The following DPP10 variants were observed in gnomAD, a reference collection of about 807,000 sequenced individuals.
DPP10 encodes inactive dipeptidyl peptidase 10.
DPP10 carries 33 observed loss-of-function variants against 120.9 expected under a neutral mutation model. The observed-to-expected ratio is 0.27, with a 90% CI of 0.21 to 0.37. The LOEUF is 0.37. Among genes scored for constraint, DPP10 ranks in the 10% least tolerant of loss-of-function variants. The pLI, the probability that DPP10 is intolerant of heterozygous loss-of-function variation, is 1.00. For synonymous variants in DPP10, 337 were observed against 326.1 expected, an observed-to-expected ratio of 1.03 and a Z score of -0.36; for missense variants, 816 against 942.8, an observed-to-expected ratio of 0.87 and a Z score of 1.76.
At chr2:114,673,066 A>T (rs893244489) in intron 1 of DPP10, among the ~76,000 whole-genome samples, 62 of 152,210 alleles carry the variant, frequency 4.1e-4, no homozygotes, top group African/African-American at 1.3e-3. Context: ...TGAGTATTGT[A>T]TCTAGTGGAT....
intron 1 of DPP10, among the ~76,000 whole-genome samples, chr2:114,504,202 C>A (rs1683435897): frequency 6.6e-6 from 1 of 152,132 alleles, no homozygotes; most frequent in Non-Finnish European, 1.5e-5. Flanking sequence ...CAGGATTCTT[C>A]AATAGCCTTC....
intron 1 of DPP10, among the ~76,000 whole-genome samples, chr2:114,476,398 G>A (rs1280445955): frequency 2.6e-5 from 4 of 152,094 alleles, no homozygotes; most frequent in Admixed American, 6.6e-5. Context: ...AAAGTAGTTG[G>A]CAAAACTACC....
intron 1 of DPP10, among the ~76,000 whole-genome samples, chr2:114,815,876 TTC>T (rs1158786405): frequency 8.3e-6 from 1 of 120,324 alleles, no homozygotes; most frequent in African/African-American, 3.2e-5. Context: ...CACTTAAATT[TTC>T]TTAGTTTTTT....
At chr2:115,042,433 T>C (rs951338283) in intron 1 of DPP10, among the ~76,000 whole-genome samples, 7 of 152,168 alleles carry the variant, frequency 4.6e-5, no homozygotes, top group Admixed American at 2.0e-4. Flanking sequence ...CTGCTGGCTA[T>C]TTTTTGTATT....
rs1400225761 is a variant in DPP10 at position 114,823,137 on chromosome 2, TG to T, written c.60+380302del. Reference sequence around the variant, plus strand: ...TTGCTAATAAAGACATACCCAAGACTGGGTAATTTATAAAGGAAAGATGTTT... The same window carrying T: ...TTGCTAATAAAGACATACCCAAGACTGGTAATTTATAAAGGAAAGATGTTT... On this transcript the variant is annotated intron_variant, in intron 1 of 25. Transcript: ENST00000410059. Among the ~76,000 whole-genome samples, 3 of 152,256 alleles carry T rather than the reference TG, an allele frequency of 2.0e-5. No individual in the cohort carries two copies. In the East Asian group the frequency reaches 5.8e-4, roughly 29 times the overall value.
At position 115,700,243 on chromosome 2, in the gene DPP10, G is replaced by A. The variant is rs533172544; in HGVS notation, c.576+10322G>A. On this transcript the variant is annotated intron_variant, in intron 7 of 25. Transcript: ENST00000410059. Reference sequence around the variant, plus strand: ...CAGCAGGCCCCTCCTCCAACTTTGGGGAACACATTTAACATGAGATTTGAG... The same window carrying A: ...CAGCAGGCCCCTCCTCCAACTTTGGAGAACACATTTAACATGAGATTTGAG... Among the ~76,000 whole-genome samples the A allele has an allele frequency of 1.1e-4, 17 of 152,092 alleles. 1 individual carries two copies. In the South Asian group the frequency reaches 3.5e-3, roughly 32 times the overall value.
intron 1 of DPP10, among the ~76,000 whole-genome samples, chr2:114,677,240 T>C (rs925446139): frequency 4.6e-5 from 7 of 152,140 alleles, no homozygotes; most frequent in African/African-American, 1.7e-4. Context: ...GCAAGGCTCT[T>C]AACTATTAAC....
chr2:115,683,715 G>T (rs963166477), intron 5 of DPP10, among the ~76,000 whole-genome samples: 2 of 151,770 alleles, frequency 1.3e-5, no homozygotes, highest in Non-Finnish European at 2.9e-5. Context: ...TTTTATATTC[G>T]TAATCTTCAT....
chr2:115,367,869 G>GAA (rs36120778), intron 3 of DPP10, among the ~76,000 whole-genome samples: 4 of 151,856 alleles, frequency 2.6e-5, no homozygotes, highest in South Asian at 4.1e-4. Context: ...GATGCAAAAG[G>GAA]AAAAAAATAC....
chr2:115,685,814 G>GT (rs924989781), intron 5 of DPP10, among the ~76,000 whole-genome samples: 2 of 151,960 alleles, frequency 1.3e-5, no homozygotes, highest in African/African-American at 4.8e-5. Context: ...TACTTTCCTT[G>GT]TGTTCAAATT....
intron 2 of DPP10, among the ~76,000 whole-genome samples, chr2:115,329,056 A>T (rs925848): frequency 0.7 from 105,751 of 151,894 alleles, 37,338 homozygotes; most frequent in Admixed American, 0.76. Context: ...CTTCTTGCAG[A>T]TTATGCTTTT....
At chr2:115,533,866 C>T (rs2078624974) in intron 5 of DPP10, among the ~76,000 whole-genome samples, 2 of 151,970 alleles carry the variant, frequency 1.3e-5, no homozygotes, top group Non-Finnish European at 2.9e-5. Flanking sequence ...ATGTAACCTT[C>T]TCCTTACTAC....
intron 1 of DPP10, among the ~76,000 whole-genome samples, chr2:115,229,935 T>G (rs1183128119): frequency 6.6e-6 from 1 of 151,780 alleles, no homozygotes; most frequent in African/African-American, 2.4e-5. Context: ...ATTTTAGGAT[T>G]GTATTTCCTA....
At chr2:115,517,613 C>T (rs1474665041) in intron 4 of DPP10, among the ~76,000 whole-genome samples, 1 of 152,024 alleles carries the variant, frequency 6.6e-6, no homozygotes, top group African/African-American at 2.4e-5. Context: ...ATATGCCATT[C>T]TTTACATATA....
intron 1 of DPP10, among the ~76,000 whole-genome samples, chr2:114,487,753 G>A (rs570201671): frequency 2.0e-5 from 3 of 152,162 alleles, no homozygotes; most frequent in African/African-American, 7.2e-5. Flanking sequence ...ATCAGAAGCT[G>A]ATAAAAACAT....
intron 1 of DPP10, among the ~76,000 whole-genome samples, chr2:114,444,138 C>T (rs1303777428): frequency 6.6e-6 from 1 of 152,112 alleles, no homozygotes; most frequent in African/African-American, 2.4e-5. Flanking sequence ...CCTCTAATAA[C>T]AGATATGAGA....
At chr2:114,679,792 C>G (rs1420224483) in intron 1 of DPP10, among the ~76,000 whole-genome samples, 2 of 151,926 alleles carry the variant, frequency 1.3e-5, no homozygotes, top group Non-Finnish European at 2.9e-5. Flanking sequence ...ATGCTTCAAA[C>G]TAATATTATA....
intron 1 of DPP10, among the ~76,000 whole-genome samples, chr2:114,756,385 G>A (rs1679750477): frequency 6.6e-6 from 1 of 152,196 alleles, no homozygotes; most frequent in Non-Finnish European, 1.5e-5. Flanking sequence ...TCATGGAGAT[G>A]ATCCAAGGAT....
At chr2:115,605,151 A>C (rs1035094636) in intron 5 of DPP10, among the ~76,000 whole-genome samples, 1 of 152,076 alleles carries the variant, frequency 6.6e-6, no homozygotes, top group African/African-American at 2.4e-5. Context: ...AAATTTGGAG[A>C]TTGTCTTTTT....
Sources: gnomAD v4.1 joint callset for allele counts (sites outside exome capture counted in the v4.1 genomes callset) on GRCh38, gnomAD v4.1.1 for gene constraint, MANE v1.5 for transcripts, NCBI Gene and HGNC (gene_info 2026-07-23, HGNC 2026-07-21) for gene names.